The following MICOS13 variants were observed in gnomAD, a reference collection of about 807,000 sequenced individuals.
The protein encoded by MICOS13 is MICOS complex subunit MIC13.
Under a neutral mutation model 16.1 loss-of-function variants are expected in MICOS13, and 15 were observed. The observed-to-expected ratio is 0.93, with a 90% CI of 0.62 to 1.44. The LOEUF (loss-of-function observed/expected upper bound fraction) is 1.44, where lower values mean the gene tolerates loss of function less well. MICOS13 is among the 40% of genes most tolerant of loss of function. The pLI is 0.00. For missense variants in MICOS13, 164 were observed against 155.0 expected (o/e 1.06, Z -0.31); for synonymous variants, 61 against 62.6 (o/e 0.97, Z 0.12).
rs1337810767 is a variant in MICOS13, at chr19:5,678,444, G to C, written c.*107C>G. The C allele has an allele frequency of 1.8e-6, 2 of 1,090,054 alleles. No homozygotes were observed. Among genetic ancestry groups the C allele is most frequent in the Non-Finnish European group, 2.7e-6 (2 of 752,398 alleles). The allele number at this position is 1,090,054 out of a possible 1,614,324, so 67.5% of individuals were successfully genotyped here. ...GAACACTTCTGAAGTCCTTTATTGG[G>C]CCGGCAAGGCCGGGAGCTGCCCTCG... On this transcript the variant is annotated 3_prime_UTR_variant, in exon 4 of 4. Transcript: ENST00000309324.
chr19:5,678,642 A>G lies in MICOS13; in HGVS notation c.266T>C (p.Met89Thr). ...PIRDSWNAGI[M>T]TVMSALSVAP... is the part of the protein sequence containing the mutation. Reference sequence around the variant, plus strand: ...CACCGACAGAGCTGACATCACCGTCATGATGCCTGTGGGAAAGGGACGGCC... The same window carrying G: ...CACCGACAGAGCTGACATCACCGTCGTGATGCCTGTGGGAAAGGGACGGCC... Residue 89 changes from methionine (M) to threonine (T), a missense_variant, in exon 4 of 4, where the codon ATG becomes ACG. Met to Thr is a moderately conservative substitution (Grantham distance 81). Coordinates refer to ENST00000309324, the MANE Select transcript of MICOS13 (RefSeq NM_205767.3). 6.6e-7 allele frequency: 1 copy of G among 1,520,248 alleles called. No individual in the cohort carries two copies. Among genetic ancestry groups the G allele is most frequent in the Non-Finnish European group, 8.8e-7 (1 of 1,129,962 alleles). 94.2% of individuals were successfully genotyped at this position (1,520,248 alleles called of 1,614,324 possible).
intron 1 of MICOS13, 141 bp from the exon 2 acceptor site, chr19:5,679,904 C>A (rs2145523391): frequency 7.4e-7 from 1 of 1,352,590 alleles, no homozygotes; most frequent in Non-Finnish European, 9.9e-7. Context: ...ACCGTCGACC[C>A]AGACCCCTAT....
At chr19:5,680,045 AGATCTT>A (rs1212543874) in intron 1 of MICOS13, 1 of 1,517,934 alleles carries the variant, frequency 6.6e-7, no homozygotes, top group African/African-American at 1.4e-5. Flanking sequence ...TGAAGACGTA[AGATCTT>A]GACCTTCTAG....
chr19:5,680,453 C>A lies in MICOS13; in HGVS notation c.29+5G>T. The A allele has an allele frequency of 6.2e-7, 1 of 1,612,918 alleles. No individual in the cohort carries two copies. The highest frequency in any genetic ancestry group is 1.3e-5 in the African/African-American group (1 of 75,030). On this transcript the variant is annotated splice_donor_5th_base_variant and intron_variant, in intron 1 of 3. Coordinates refer to ENST00000309324, the MANE Select transcript of MICOS13 (RefSeq NM_205767.3). ...ACTCGGGTCCCCTCCGGCGCCCCCACGCACCTCATCAGCGACCACACCCGG... is the reference window on the plus strand; with the variant it reads ...ACTCGGGTCCCCTCCGGCGCCCCCAAGCACCTCATCAGCGACCACACCCGG...
At chr19:5,679,822 G>A in intron 1 of MICOS13, 59 bp from the exon 2 acceptor site, 3 of 1,526,200 alleles carry the variant, frequency 2.0e-6, no homozygotes, top group Non-Finnish European at 2.6e-6. Flanking sequence ...ACCCTCAGGG[G>A]CCAAGGCCCA....
Position 5,679,769 on chromosome 19 carries a change from G to A in MICOS13, c.30-6C>T. On this transcript the variant is annotated splice_region_variant and splice_polypyrimidine_tract_variant and intron_variant, in intron 1 of 3. Transcript: ENST00000309324. Reference sequence around the variant, plus strand: ...CACTTCCCTTGATGAGGAACCTGCGGGCAGGGACGGGAGGAGCAGAAGCTC... The same window carrying A: ...CACTTCCCTTGATGAGGAACCTGCGAGCAGGGACGGGAGGAGCAGAAGCTC... 6.3e-7 allele frequency: 1 copy of A among 1,591,110 alleles called. No individual in the cohort carries two copies. Among genetic ancestry groups the A allele is most frequent in the African/African-American group, 1.3e-5 (1 of 74,484 alleles).
intron 3 of MICOS13, 197 bp from the exon 4 acceptor site, chr19:5,678,845 G>T: frequency 1.9e-6 from 1 of 522,884 alleles, no homozygotes; most frequent in Non-Finnish European, 3.4e-6. Flanking sequence ...GGGTTCAAGC[G>T]ATTCTCTTGC....
chr19:5,680,174 G>C (rs746918025), intron 1 of MICOS13: 66 of 1,536,604 alleles, frequency 4.3e-5, no homozygotes, highest in Middle Eastern at 3.3e-4. Flanking sequence ...GGATTCACCG[G>C]CATTCCCACC....
rs753620480 is a variant in MICOS13 at position 5,680,401 on chromosome 19, T to C, written c.29+57A>G. 8.7e-6 allele frequency: 14 copies of C among 1,610,172 alleles called. No homozygotes were observed. The Admixed American group carries it at 1.2e-4, about 13-fold the overall frequency. ...ATCGGGACCAGACTGGAGACAGGGA[T>C]GCCCACAAAAATGGACTTTTTCGGG... On this transcript the variant is annotated intron_variant, in intron 1 of 3. Transcript: ENST00000309324.
intron 2 of MICOS13, 79 bp from the exon 3 acceptor site, chr19:5,679,475 G>C (rs1263347703): frequency 6.3e-6 from 10 of 1,593,404 alleles, no homozygotes; most frequent in Non-Finnish European, 6.9e-6. Context: ...AGGAGGACAG[G>C]CCGGAGAATC....
At chr19:5,679,907 A>G in intron 1 of MICOS13, 144 bp from the exon 2 acceptor site, 1 of 1,345,008 alleles carries the variant, frequency 7.4e-7, no homozygotes, top group South Asian at 1.4e-5. Context: ...GTCGACCCAG[A>G]CCCCTATTAT....
rs747884768 is a variant in MICOS13 at position 5,680,307 on chromosome 19, C to T, written c.29+151G>A. 18 of 1,609,930 alleles carry T rather than the reference C, an allele frequency of 1.1e-5. No homozygotes were observed. In the African/African-American group the frequency reaches 2.4e-4, roughly 22 times the overall value. ...TCGGGAAGCCCCGCCCCTCTGAAGC[C>T]TCAGTTTCCCTATCTGGCCCATAGG... is the stretch of plus-strand genomic sequence containing the variant. On this transcript the variant is annotated intron_variant, in intron 1 of 3. Coordinates refer to ENST00000309324, the MANE Select transcript of MICOS13 (RefSeq NM_205767.3).
At chr19:5,679,315 C>G (rs767888070) in intron 3 of MICOS13, 30 bp downstream of exon 3, 30 of 1,601,560 alleles carry the variant, frequency 1.9e-5, no homozygotes, top group Admixed American at 1.9e-4. Context: ...TGGGGTGTCT[C>G]CCTCCAAGCA....
rs1160288175 is a variant in MICOS13, at chr19:5,678,609, GA to G, written c.298del (p.Ser100ProfsTer14). On this transcript the variant is annotated frameshift_variant, in exon 4 of 4. Transcript: ENST00000309324. LOFTEE classifies it high-confidence loss of function. ...TVMSALSVAP[S>X]KAREYSKEGW... Reference sequence around the variant, plus strand: ...CTCCTTGGAGTACTCGCGGGCCTTGGAGGGGGCCACCGACAGAGCTGACATC... The same window carrying G: ...CTCCTTGGAGTACTCGCGGGCCTTGGGGGGGCCACCGACAGAGCTGACATC... 6.5e-7 allele frequency: 1 copy of G among 1,547,268 alleles called. No homozygotes were observed. Among genetic ancestry groups the G allele is most frequent in the South Asian group, 1.2e-5 (1 of 83,834 alleles).
At chr19:5,678,752 G>C in intron 3 of MICOS13, 104 bp from the exon 4 acceptor site, 1 of 605,078 alleles carries the variant, frequency 1.7e-6, no homozygotes, top group Non-Finnish European at 2.8e-6. Context: ...GGGGGTGGGT[G>C]GGGGGCGGGG....
rs1164564229 is a variant in MICOS13, at chr19:5,678,460, G to A, written c.*91C>T. The A allele has an allele frequency of 2.4e-6, 3 of 1,236,658 alleles. No homozygotes were observed. The highest frequency in any genetic ancestry group is 1.1e-6 in the Non-Finnish European group (1 of 877,090). 76.6% of individuals were successfully genotyped at this position (1,236,658 alleles called of 1,614,324 possible). On this transcript the variant is annotated 3_prime_UTR_variant, in exon 4 of 4. Transcript: ENST00000309324. ...CTTTATTGGGCCGGCAAGGCCGGGA[G>A]CTGCCCTCGGAGTGGGGTCCCAGTC...
chr19:5,679,694 G>A lies in MICOS13; in HGVS notation c.99C>T (p.Pro33=). The A allele has an allele frequency of 6.2e-7, 1 of 1,609,996 alleles. No individual in the cohort carries two copies. The highest frequency in any genetic ancestry group is 8.5e-7 in the Non-Finnish European group (1 of 1,179,132). Reference sequence around the variant, plus strand: ...GTAGGGCTGCCTGGCTCTTGTCGCTGGGCCCCAGCAGCTCCTGGTCGTACA... The same window carrying A: ...GTAGGGCTGCCTGGCTCTTGTCGCTAGGCCCCAGCAGCTCCTGGTCGTACA... ...YLVYDQELLG[P]SDKSQAALQK... Residue 33 remains proline (P), a synonymous_variant, in exon 2 of 4, where the codon CCC becomes CCT. Transcript: ENST00000309324.
intron 3 of MICOS13, 100 bp from the exon 4 acceptor site, chr19:5,678,748 G>A: frequency 1.6e-6 from 1 of 634,898 alleles, no homozygotes; most frequent in Non-Finnish European, 2.6e-6. Flanking sequence ...GGTGGGGGGT[G>A]GGTGGGGGGC....
chr19:5,680,367 G>T, intron 1 of MICOS13, 91 bp downstream of exon 1: 1 of 1,603,964 alleles, frequency 6.2e-7, no homozygotes, highest in South Asian at 1.1e-5. Context: ...TAAGGGAAGC[G>T]AAGAGCAGAT....
Sources: gnomAD v4.1 joint callset for allele counts on GRCh38, gnomAD v4.1.1 for gene constraint, MANE v1.5 for transcripts, NCBI Gene and HGNC (gene_info 2026-07-23, HGNC 2026-07-21) for gene names.